MRTFA: variants seen among roughly 807,000 people sequenced by gnomAD.
MRTFA encodes myocardin-related transcription factor A.
In MRTFA, 20 loss-of-function variants were observed where a neutral mutation model predicts 83.5. That is an observed-to-expected ratio of 0.24 (90% CI 0.17 to 0.35). MRTFA has a LOEUF of 0.35. Ranked by LOEUF, MRTFA falls within the 10% of genes least tolerant of loss-of-function variation. The pLI is 1.00. For synonymous variants in MRTFA, 659 were observed against 541.2 expected, an observed-to-expected ratio of 1.22 and a Z score of -3.02; for missense variants, 1,200 against 1,224.7, an observed-to-expected ratio of 0.98 and a Z score of 0.30.
Position 40,421,044 on chromosome 22 carries a change from C to A in MRTFA, c.984G>T (p.Glu328Asp). 3 of 1,567,972 alleles carry A rather than the reference C, an allele frequency of 1.9e-6. No homozygotes were observed. The highest frequency in any genetic ancestry group is 1.2e-5 in the South Asian group (1 of 83,574). ...TGAGCTTCTTCACCTTTGGCTTCAGCTCCTTGGCCTTCTTGCTGCGCTGTG... is the reference window on the plus strand; with the variant it reads ...TGAGCTTCTTCACCTTTGGCTTCAGATCCTTGGCCTTCTTGCTGCGCTGTG... Residue 328 changes from glutamate to aspartate, a missense_variant, in exon 10 of 15, where the codon GAG becomes GAT. Physicochemically the swap from Glu to Asp is conservative, Grantham distance 45. This residue lies in a region of MRTFA where 1,107 missense variants were observed against 1,041.8 expected (regional missense o/e 1.06). Transcript: ENST00000355630.
At chr22:40,418,241 CT>C (rs1337201250) in intron 12 of MRTFA, 132 bp downstream of exon 12, 31 of 1,467,640 alleles carry the variant, frequency 2.1e-5, no homozygotes, top group Non-Finnish European at 2.4e-5. Context: ...CAGTACCCCC[CT>C]GGTGAAGGAA....
At chr22:40,620,756 T>C (rs968877587) in intron 1 of MRTFA, among the ~76,000 whole-genome samples, 6 of 152,102 alleles carry the variant, frequency 3.9e-5, no homozygotes, top group African/African-American at 1.4e-4. Context: ...AGAAAAGCTC[T>C]ATAGAGAACC....
intron 2 of MRTFA, among the ~76,000 whole-genome samples, chr22:40,566,515 T>G (rs1425283651): frequency 3.3e-5 from 5 of 151,758 alleles, no homozygotes; most frequent in Admixed American, 1.3e-4. Flanking sequence ...CCACCACGCC[T>G]GGCTGATTTA....
intron 4 of MRTFA, among the ~76,000 whole-genome samples, chr22:40,455,352 A>G (rs186147474): frequency 2.6e-5 from 4 of 152,246 alleles, no homozygotes; most frequent in Admixed American, 6.5e-5. Context: ...ACTTGGAGAA[A>G]AGATCCCATG....
intron 1 of MRTFA, among the ~76,000 whole-genome samples, chr22:40,618,506 C>T (rs934062023): frequency 6.6e-6 from 1 of 152,008 alleles, no homozygotes; most frequent in Non-Finnish European, 1.5e-5. Context: ...GAACAGCAAG[C>T]ACAAAGACCT....
chr22:40,497,558 G>C (rs1243883996), intron 3 of MRTFA, among the ~76,000 whole-genome samples: 1 of 151,410 alleles, frequency 6.6e-6, no homozygotes, highest in Non-Finnish European at 1.5e-5. Flanking sequence ...TTCGAGACCA[G>C]CCTGACCAAC....
chr22:40,441,053 T>G (rs1269958069), intron 4 of MRTFA, among the ~76,000 whole-genome samples: 1 of 152,140 alleles, frequency 6.6e-6, no homozygotes, highest in Non-Finnish European at 1.5e-5. Flanking sequence ...GAAAGCAGTC[T>G]CTAGAAAGAG....
chr22:40,450,342 C>T (rs2053464316), intron 4 of MRTFA, among the ~76,000 whole-genome samples: 1 of 152,156 alleles, frequency 6.6e-6, no homozygotes, highest in Non-Finnish European at 1.5e-5. Context: ...TGAACAGCAA[C>T]CTGAAAGCAC....
At chr22:40,629,588 T>G (rs1410128771) in intron 1 of MRTFA, among the ~76,000 whole-genome samples, 1 of 149,282 alleles carries the variant, frequency 6.7e-6, no homozygotes, top group Non-Finnish European at 1.5e-5. Flanking sequence ...ATAGTGAAAC[T>G]CCGTCCCTAC....
chr22:40,506,182 C>T (rs928229407), intron 3 of MRTFA, among the ~76,000 whole-genome samples: 2 of 151,956 alleles, frequency 1.3e-5, no homozygotes, highest in Admixed American at 6.6e-5. Context: ...TGCAGTGAGC[C>T]GAGATTGTGC....
chr22:40,470,252 TA>T (rs1165899151), intron 3 of MRTFA, among the ~76,000 whole-genome samples: 2 of 59,296 alleles, frequency 3.4e-5, no homozygotes, highest in African/African-American at 1.1e-4. Flanking sequence ...TATATATATA[TA>T]TATATATATA....
chr22:40,453,968 T>C (rs184885002), intron 4 of MRTFA, among the ~76,000 whole-genome samples: 1 of 152,356 alleles, frequency 6.6e-6, no homozygotes, highest in Non-Finnish European at 1.5e-5. Flanking sequence ...CATAAAATGA[T>C]AGTCCTGCTA....
Position 40,411,828 on chromosome 22 carries a change from G to T in MRTFA, c.2658C>A (p.Pro886=), listed in dbSNP as rs745413434. 57 of 1,513,490 alleles carry T rather than the reference G, an allele frequency of 3.8e-5. No individual in the cohort carries two copies. The highest frequency in any genetic ancestry group is 1.8e-4 in the Middle Eastern group (1 of 5,618). 93.8% of individuals were successfully genotyped at this position (1,513,490 alleles called of 1,614,324 possible). The change falls in exon 15 of 15, where the codon CCC becomes CCA. Residue 886 remains proline (P), a synonymous_variant. Coordinates refer to ENST00000355630, the MANE Select transcript of MRTFA (RefSeq NM_020831.6). ...CAGAAGGTGATGGCTGTGCTGCCAG[G>T]GGGGACCCACAGACTGTCTTCGGGG...
chr22:40,601,974 C>T (rs184742968), intron 1 of MRTFA, among the ~76,000 whole-genome samples: 76 of 152,278 alleles, frequency 5.0e-4, no homozygotes, highest in Admixed American at 8.5e-4. Flanking sequence ...CTGGAACATT[C>T]CAGTGATCCT....
chr22:40,629,787 A>T (rs2056622035), intron 1 of MRTFA, among the ~76,000 whole-genome samples: 1 of 151,288 alleles, frequency 6.6e-6, no homozygotes, highest in Non-Finnish European at 1.5e-5. Context: ...AAAAAAAAAA[A>T]AAAAAAAAAA....
At chr22:40,529,795 A>T (rs1328969540) in intron 3 of MRTFA, among the ~76,000 whole-genome samples, 1 of 152,180 alleles carries the variant, frequency 6.6e-6, no homozygotes, top group Admixed American at 6.5e-5. Flanking sequence ...AATACTTTAT[A>T]TATTCTTTGG....
chr22:40,586,629 T>C, intron 2 of MRTFA: 1 of 181,428 alleles, frequency 5.5e-6, no homozygotes, highest in Non-Finnish European at 1.1e-5. Flanking sequence ...ACTGTTTTTT[T>C]CACTGATCAG....
chr22:40,417,913 G>C lies in MRTFA; in HGVS notation c.2365-420C>G, dbSNP rs531636869. 2.6e-5 allele frequency among the ~76,000 whole-genome samples: 4 copies of C among 152,306 alleles called. No individual in the cohort carries two copies. The South Asian group carries it at 8.3e-4, about 32-fold the overall frequency. ...GCCTCACCTGTGGCCTGGGCTGAGA[G>C]AGGGTCTGCTGAGGGAGCTTTCCGC... On this transcript the variant is annotated intron_variant, in intron 12 of 14. Coordinates refer to ENST00000355630, the MANE Select transcript of MRTFA (RefSeq NM_020831.6).
chr22:40,485,638 GCCT>G (rs2147192415), intron 3 of MRTFA, among the ~76,000 whole-genome samples: 1 of 152,302 alleles, frequency 6.6e-6, no homozygotes, highest in African/African-American at 2.4e-5. Flanking sequence ...AAATTGCTTA[GCCT>G]CCTACCTATT....
Sources: gnomAD v4.1 joint callset for allele counts (sites outside exome capture counted in the v4.1 genomes callset) on GRCh38, gnomAD v4.1.1 for gene constraint, gnomAD v4.1.1 regional missense constraint, MANE v1.5 for transcripts, NCBI Gene and HGNC (gene_info 2026-07-23, HGNC 2026-07-21) for gene names.